Variants in LRPPRC observed in about 807,000 individuals in gnomAD.
The protein encoded by LRPPRC is leucine rich pentatricopeptide repeat containing.
Under a neutral mutation model 180.3 loss-of-function variants are expected in LRPPRC, and 120 were observed. The ratio of observed to expected loss-of-function variants is 0.67; its 90% CI spans 0.57 to 0.77. The LOEUF is 0.77. LRPPRC is among the 30% of genes least tolerant of loss of function. The probability of loss-of-function intolerance (pLI) is 0.00; values close to 1 mark genes in which losing one functional copy is unlikely to be tolerated. For missense variants in LRPPRC, 2,012 were observed against 1,657.2 expected, an observed-to-expected ratio of 1.21 and a Z score of -3.72; for synonymous variants, 723 against 600.0, an observed-to-expected ratio of 1.21 and a Z score of -3.00.
At chr2:43,944,319 T>C (rs752130522) in intron 22 of LRPPRC, among the ~76,000 whole-genome samples, 10 of 152,076 alleles carry the variant, frequency 6.6e-5, no homozygotes, top group Non-Finnish European at 1.3e-4. Context: ...CTGATACCGA[T>C]AGGGCCTGTT....
At chr2:43,911,539 T>C (rs1671260330) in intron 30 of LRPPRC, among the ~76,000 whole-genome samples, 1 of 146,868 alleles carries the variant, frequency 6.8e-6, no homozygotes, top group Non-Finnish European at 1.5e-5. Context: ...TTTTTTTTTT[T>C]TTTTTGAGAC....
chr2:43,915,272 A>G (rs930679144), intron 29 of LRPPRC, among the ~76,000 whole-genome samples: 2 of 146,558 alleles, frequency 1.4e-5, no homozygotes, highest in African/African-American at 5.1e-5. Context: ...ACACACACAC[A>G]CACACAAGTT....
intron 23 of LRPPRC, among the ~76,000 whole-genome samples, chr2:43,940,765 T>C (rs1259523129): frequency 2.6e-5 from 4 of 152,204 alleles, no homozygotes; most frequent in Admixed American, 2.6e-4. Context: ...ATTAATTTCA[T>C]TTCCTTGACC....
intron 25 of LRPPRC, among the ~76,000 whole-genome samples, chr2:43,932,320 G>A (rs1282058206): frequency 2.0e-5 from 3 of 151,830 alleles, no homozygotes; most frequent in African/African-American, 4.8e-5. Context: ...TTTCCACAAC[G>A]CTTCAAATAC....
Position 43,979,955 on chromosome 2 carries a change from A to C in LRPPRC, c.347-7T>G. On this transcript the variant is annotated splice_polypyrimidine_tract_variant and splice_region_variant and intron_variant, in intron 2 of 37. Transcript: ENST00000260665. ...TGACTACCACCTAGGCCACCTGTGG[A>C]AAAAAGGTTAATGGATAACATTTAA... 1.2e-6 allele frequency: 2 copies of C among 1,612,088 alleles called. No individual in the cohort carries two copies. Among genetic ancestry groups the C allele is most frequent in the Non-Finnish European group, 1.7e-6 (2 of 1,178,366 alleles).
chr2:43,943,939 G>A (rs1183624542), intron 22 of LRPPRC, 45 bp from the exon 23 acceptor site: 2 of 1,415,738 alleles, frequency 1.4e-6, no homozygotes, highest in East Asian at 2.3e-5. Context: ...TTTCATGTAG[G>A]GAAAACAAAC....
chr2:43,975,026 T>C, intron 7 of LRPPRC, 65 bp downstream of exon 7: 1 of 1,532,362 alleles, frequency 6.5e-7, no homozygotes, highest in Non-Finnish European at 9.0e-7. Context: ...TCCTGCCTCA[T>C]GTAAAACATA....
rs1670323750 is a variant in LRPPRC at position 43,887,879 on chromosome 2, C to G, written c.*721G>C. The G allele has an allele frequency of 6.6e-6, 1 of 152,260 alleles. No individual in the cohort carries two copies. The highest frequency in any genetic ancestry group is 1.9e-4 in the East Asian group (1 of 5,198). The allele number at this position is 152,260 out of a possible 1,614,324, so 9.4% of individuals were successfully genotyped here. On this transcript the variant is annotated 3_prime_UTR_variant, in exon 38 of 38. Transcript: ENST00000260665. ...GGGCAGAGCTTGTACTGACAAAGTC[C>G]TGAAACTACAATGAGAGGAAACACA...
In LRPPRC at chr2:43,957,463, A is replaced by T. The variant is rs764544613; in HGVS notation, c.1583-12T>A. 1 of 1,602,428 alleles carries T rather than the reference A, an allele frequency of 6.2e-7. No individual in the cohort carries two copies. Among genetic ancestry groups the T allele is most frequent in the African/African-American group, 1.3e-5 (1 of 74,682 alleles). ...TGTATTTGATTTCACTGCAAAAGAA[A>T]ATGACCATCATTAAATCTCAGACCA... On this transcript the variant is annotated splice_polypyrimidine_tract_variant and intron_variant, in intron 13 of 37. Coordinates refer to ENST00000260665, the MANE Select transcript of LRPPRC (RefSeq NM_133259.4).
In LRPPRC at chr2:43,982,322, T is replaced by G. The variant is rs863224049; in HGVS notation, c.262A>C (p.Met88Leu). 2.5e-6 allele frequency: 4 copies of G among 1,613,232 alleles called. No homozygotes were observed. In the African/African-American group the frequency reaches 5.3e-5, roughly 22 times the overall value. ...CTTCGAACAGAAAGATCTAGTCTCA[T>G]TAGAGCCCAATCAAACTGATTGGAA... ...KISNQFDWAL[M>L]RLDLSVRRTG... The change falls in exon 2 of 38, where the codon ATG (methionine) becomes CTG (leucine). Residue 88 changes from methionine to leucine, a missense_variant. Met to Leu is a conservative substitution (Grantham distance 15, BLOSUM62 2). Transcript: ENST00000260665.
At chr2:43,917,806 G>C (rs1031199472) in intron 29 of LRPPRC, among the ~76,000 whole-genome samples, 2 of 151,920 alleles carry the variant, frequency 1.3e-5, no homozygotes, top group African/African-American at 4.8e-5. Context: ...ATAATAAAAA[G>C]AGTAATTCCT....
chr2:43,970,359 G>C (rs1048898640), intron 11 of LRPPRC, among the ~76,000 whole-genome samples: 1 of 152,170 alleles, frequency 6.6e-6, no homozygotes, highest in African/African-American at 2.4e-5. Flanking sequence ...GGCAGCCTGA[G>C]AGAGCAGACA....
intron 23 of LRPPRC, among the ~76,000 whole-genome samples, chr2:43,940,299 T>C (rs900194004): frequency 4.6e-5 from 7 of 152,146 alleles, no homozygotes; most frequent in Admixed American, 6.6e-5. Flanking sequence ...AAGTATCCAG[T>C]ACAAATGAAG....
chr2:43,985,141 C>T (rs1188336716), intron 1 of LRPPRC, among the ~76,000 whole-genome samples: 2 of 151,172 alleles, frequency 1.3e-5, no homozygotes, highest in Admixed American at 6.6e-5. Context: ...TAAGCATGTA[C>T]CATTTTTTTA....
chr2:43,912,329 T>C (rs1671291742), intron 30 of LRPPRC, 103 bp downstream of exon 30: 2 of 1,042,458 alleles, frequency 1.9e-6, no homozygotes, highest in South Asian at 1.4e-5. Flanking sequence ...CTGAGGCCAA[T>C]CAAGCAATTT....
rs2104993694 is a variant in LRPPRC, at chr2:43,901,627, CAAAAAGCTATGA to C, written c.3365-115_3365-104del. On this transcript the variant is annotated intron_variant, in intron 31 of 37. Coordinates refer to ENST00000260665, the MANE Select transcript of LRPPRC (RefSeq NM_133259.4). The stretch of plus-strand genomic sequence containing the variant: ...AATATGAGCACCAAATGGCCATAAA[CAAAAAGCTATGA>C]ATAATTAATTTTAGATTACAGAAAA... The C allele has an allele frequency of 2.0e-5, 15 of 737,582 alleles. 1 individual carries two copies. The South Asian group carries it at 2.3e-4, about 11-fold the overall frequency. 45.7% of individuals were successfully genotyped at this position (737,582 alleles called of 1,614,324 possible). A position where few individuals can be genotyped will look rare whatever the true frequency, so the allele number is the denominator to read the frequency against.
At chr2:43,993,531 A>G (rs1399109124) in intron 1 of LRPPRC, among the ~76,000 whole-genome samples, 1 of 152,178 alleles carries the variant, frequency 6.6e-6, no homozygotes, top group African/African-American at 2.4e-5. Context: ...AGAAACTTCT[A>G]GAGTAAACAG....
chr2:43,952,148 G>A (rs11898797), intron 14 of LRPPRC, among the ~76,000 whole-genome samples: 28,237 of 151,836 alleles, frequency 0.19, 3,330 homozygotes, highest in African/African-American at 0.33. Flanking sequence ...AGCCAAGATC[G>A]CGCCACTGCA....
intron 12 of LRPPRC, among the ~76,000 whole-genome samples, chr2:43,962,885 T>C (rs546837954): frequency 1.3e-5 from 2 of 152,256 alleles, no homozygotes; most frequent in South Asian, 2.1e-4. Context: ...GACAGGAGGA[T>C]TGCTTAAGCC....
Sources: allele counts gnomAD v4.1 joint callset (sites outside exome capture counted in the v4.1 genomes callset), GRCh38; gene constraint gnomAD v4.1.1; transcripts MANE v1.5; gene names NCBI Gene and HGNC (gene_info 2026-07-23, HGNC 2026-07-21).